Variants in PCDHGA9 observed in about 807,000 individuals in gnomAD.
The protein encoded by PCDHGA9 is protocadherin gamma subfamily A, 9.
In PCDHGA9, 37 loss-of-function variants were observed where a neutral mutation model predicts 62.5. The observed-to-expected ratio is 0.59, with a 90% CI of 0.46 to 0.78. PCDHGA9 has a LOEUF of 0.78. Among genes scored for constraint, PCDHGA9 ranks in the 30% least tolerant of loss-of-function variants. The probability of loss-of-function intolerance (pLI) is 0.00; values close to 1 mark genes in which losing one functional copy is unlikely to be tolerated. For synonymous variants in PCDHGA9, 459 were observed against 484.6 expected, an observed-to-expected ratio of 0.95 and a Z score of 0.69; for missense variants, 1,138 against 1,166.2, an observed-to-expected ratio of 0.98 and a Z score of 0.35.
intron 1 of PCDHGA9, among the ~76,000 whole-genome samples, chr5:141,494,498 C>G (rs2099754760): frequency 6.6e-6 from 1 of 152,138 alleles, no homozygotes; most frequent in African/African-American, 2.4e-5. Flanking sequence ...GCCTTCAGTC[C>G]TTGAATTTTG....
chr5:141,413,803 G>A (rs1331029473), intron 1 of PCDHGA9: 3 of 1,613,142 alleles, frequency 1.9e-6, no homozygotes, highest in Non-Finnish European at 1.7e-6. Flanking sequence ...CGAGGAAGAG[G>A]CCATTCACCA....
At chr5:141,470,694 A>T (rs763715272) in intron 1 of PCDHGA9, among the ~76,000 whole-genome samples, 1 of 151,978 alleles carries the variant, frequency 6.6e-6, no homozygotes, top group African/African-American at 2.4e-5. Flanking sequence ...GAAATTCTTA[A>T]TAATTTTTAT....
intron 1 of PCDHGA9, chr5:141,414,115 G>A: frequency 6.3e-7 from 1 of 1,591,952 alleles, no homozygotes; most frequent in Middle Eastern, 1.7e-4. Flanking sequence ...TCTAGATTAT[G>A]AAGAAACCGG....
intron 1 of PCDHGA9, chr5:141,419,944 C>T (rs1375807568): frequency 6.2e-7 from 1 of 1,614,066 alleles, no homozygotes; most frequent in South Asian, 1.1e-5. Flanking sequence ...TGGTGGTGGC[C>T]TTGGCCTTGA....
chr5:141,428,288 A>G (rs1413902705), intron 1 of PCDHGA9: 1 of 728,846 alleles, frequency 1.4e-6, no homozygotes, highest in Middle Eastern at 2.3e-4. Flanking sequence ...TCCCAAGCAA[A>G]GCTGCAGATT....
chr5:141,458,366 GGAGAA>G (rs1437271099), intron 1 of PCDHGA9, among the ~76,000 whole-genome samples: 1 of 152,090 alleles, frequency 6.6e-6, no homozygotes, highest in African/African-American at 2.4e-5. Flanking sequence ...AAGAAGGAAG[GGAGAA>G]GAGAGAAGGA....
intron 1 of PCDHGA9, among the ~76,000 whole-genome samples, chr5:141,425,336 G>A (rs2096868804): frequency 6.6e-6 from 1 of 152,182 alleles, no homozygotes; most frequent in South Asian, 2.1e-4. Flanking sequence ...CAAAAAGGAA[G>A]GGTTGGCTTT....
At chr5:141,510,814 C>T in intron 3 of PCDHGA9, 133 bp from the exon 4 acceptor site, 2 of 1,544,688 alleles carry the variant, frequency 1.3e-6, no homozygotes, top group East Asian at 4.6e-5. Context: ...TTGGTGACCC[C>T]TATATTCCCA....
At chr5:141,409,885 G>A in intron 1 of PCDHGA9, 1 of 1,613,110 alleles carries the variant, frequency 6.2e-7, no homozygotes. Flanking sequence ...ACGCACCGCG[G>A]GTGCTGTACC....
intron 1 of PCDHGA9, chr5:141,408,965 C>A: frequency 3.1e-6 from 5 of 1,613,806 alleles, no homozygotes; most frequent in Non-Finnish European, 4.2e-6. Flanking sequence ...TAGTGAAAAT[C>A]TGCCCCCTGG....
Position 141,487,501 on chromosome 5 carries a change from T to A in PCDHGA9, c.2425-7306T>A. 1 of 1,614,232 alleles carries A rather than the reference T, an allele frequency of 6.2e-7. No individual in the cohort carries two copies. Among genetic ancestry groups the A allele is most frequent in the Non-Finnish European group, 8.5e-7 (1 of 1,180,036 alleles). On this transcript the variant is annotated intron_variant, in intron 1 of 3. Transcript: ENST00000573521. This position sits in a 1 kb window ranked among gnomAD's most constrained non-coding sequence, Gnocchi z 5.0. ...ACTCTCATGGCTGTACACCCTTGGC[T>A]TCTGCACCCACTCGGAGTGATAGCT...
At chr5:141,422,786 C>T in intron 1 of PCDHGA9, 1 of 1,614,178 alleles carries the variant, frequency 6.2e-7, no homozygotes, top group Non-Finnish European at 8.5e-7. Context: ...GCCCTACAAT[C>T]CTTCGACTAT....
chr5:141,488,885 T>C (rs1401230063), intron 1 of PCDHGA9, among the ~76,000 whole-genome samples: 1 of 152,194 alleles, frequency 6.6e-6, no homozygotes, highest in Admixed American at 6.5e-5. Flanking sequence ...GAAGCTTCTG[T>C]GACACAGATT....
At chr5:141,499,570 A>C (rs1027373056) in intron 2 of PCDHGA9, among the ~76,000 whole-genome samples, 2 of 152,200 alleles carry the variant, frequency 1.3e-5, no homozygotes, top group Non-Finnish European at 2.9e-5. Flanking sequence ...TCCAGCTTCA[A>C]CTAATGCCTT....
chr5:141,447,056 G>A (rs1452688256), intron 1 of PCDHGA9, among the ~76,000 whole-genome samples: 1 of 152,058 alleles, frequency 6.6e-6, no homozygotes, highest in Non-Finnish European at 1.5e-5. Flanking sequence ...CTATTAAAAT[G>A]TGTCAGGCTG....
At chr5:141,416,362 G>A (rs562901653) in intron 1 of PCDHGA9, 4 of 152,306 alleles carry the variant, frequency 2.6e-5, no homozygotes, top group African/African-American at 7.2e-5. Flanking sequence ...GGAGGCTATA[G>A]AGGGTGAAAT....
chr5:141,478,623 G>A, intron 1 of PCDHGA9: 2 of 1,554,358 alleles, frequency 1.3e-6, no homozygotes, highest in Non-Finnish European at 1.7e-6. Flanking sequence ...GAATGGAGCT[G>A]TTTTTTTAGT....
chr5:141,464,138 G>A (rs62379197), intron 1 of PCDHGA9, among the ~76,000 whole-genome samples: 42,814 of 151,688 alleles, frequency 0.28, 6,814 homozygotes, highest in African/African-American at 0.44. Context: ...GGTGGTGGGC[G>A]CCTGTAGTCC....
chr5:141,422,310 T>A, intron 1 of PCDHGA9: 1 of 1,546,532 alleles, frequency 6.5e-7, no homozygotes, highest in Non-Finnish European at 8.7e-7. Flanking sequence ...TGGAAAACTC[T>A]CCTCCAGGTA....
Sources: gnomAD v4.1 joint callset for allele counts (sites outside exome capture counted in the v4.1 genomes callset) on GRCh38, gnomAD v4.1.1 for gene constraint, Gnocchi (gnomAD v3.1) non-coding constraint, MANE v1.5 for transcripts, NCBI Gene and HGNC (gene_info 2026-07-23, HGNC 2026-07-21) for gene names.